Variants in FBXL7 observed in about 807,000 individuals in gnomAD.
The protein encoded by FBXL7 is F-box/LRR-repeat protein 7.
In FBXL7, 12 loss-of-function variants were observed where a neutral mutation model predicts 38.3. That is an observed-to-expected ratio of 0.31 (90% confidence interval 0.20 to 0.51). The LOEUF (loss-of-function observed/expected upper bound fraction) is 0.51. FBXL7 is among the 20% of genes least tolerant of loss of function. FBXL7 has a pLI of 0.98. For synonymous variants in FBXL7, 297 were observed against 300.9 expected, an observed-to-expected ratio of 0.99 and a Z score of 0.13; for missense variants, 567 against 676.4, an observed-to-expected ratio of 0.84 and a Z score of 1.79.
At chr5:15,823,741 C>G (rs1309245542) in intron 2 of FBXL7, among the ~76,000 whole-genome samples, 1 of 152,072 alleles carries the variant, frequency 6.6e-6, no homozygotes, top group African/African-American at 2.4e-5. Context: ...TCACGTGAGA[C>G]CATCTCAAAT....
At chr5:15,750,907 G>A (rs370994210) in intron 2 of FBXL7, among the ~76,000 whole-genome samples, 4 of 152,308 alleles carry the variant, frequency 2.6e-5, no homozygotes, top group African/African-American at 9.6e-5. Context: ...AAGTGGGACT[G>A]ACACTTGGTC....
chr5:15,659,318 C>T (rs1403858029), intron 2 of FBXL7, among the ~76,000 whole-genome samples: 1 of 151,582 alleles, frequency 6.6e-6, no homozygotes, highest in South Asian at 2.1e-4. Context: ...CATAACCTCC[C>T]AGATAATTAG....
chr5:15,836,122 G>T (rs1738585045), intron 2 of FBXL7, among the ~76,000 whole-genome samples: 1 of 152,176 alleles, frequency 6.6e-6, no homozygotes, highest in Non-Finnish European at 1.5e-5. Context: ...ACAAAATTCA[G>T]ATGGTCTCTG....
At chr5:15,735,048 C>T (rs1400010613) in intron 2 of FBXL7, among the ~76,000 whole-genome samples, 1 of 152,182 alleles carries the variant, frequency 6.6e-6, no homozygotes, top group Non-Finnish European at 1.5e-5. Context: ...TCTCCTGCCT[C>T]AGCCTCACAA....
intron 2 of FBXL7, among the ~76,000 whole-genome samples, chr5:15,693,974 C>T (rs1743257444): frequency 6.6e-6 from 1 of 151,890 alleles, no homozygotes; most frequent in Admixed American, 6.5e-5. Context: ...ATACTGAAAG[C>T]CCTCTGTCGT....
intron 1 of FBXL7, among the ~76,000 whole-genome samples, chr5:15,593,047 G>T (rs1177429513): frequency 2.6e-5 from 4 of 152,182 alleles, no homozygotes; most frequent in Non-Finnish European, 4.4e-5. Flanking sequence ...TCCTGATAGA[G>T]TACCAGTCCT....
intron 2 of FBXL7, among the ~76,000 whole-genome samples, chr5:15,862,835 T>G (rs1374896525): frequency 1.3e-5 from 2 of 152,200 alleles, no homozygotes; most frequent in African/African-American, 4.8e-5. Context: ...AGAGTCCAGC[T>G]GGGGTGGAGC....
At chr5:15,649,355 C>T (rs2126567621) in intron 2 of FBXL7, among the ~76,000 whole-genome samples, 1 of 152,206 alleles carries the variant, frequency 6.6e-6, no homozygotes. Context: ...TCTAATATGC[C>T]TTCCTTATTG....
Position 15,860,202 on chromosome 5 carries a change from T to C in FBXL7, c.128-67688T>C, listed in dbSNP as rs553878515. Among the ~76,000 whole-genome samples, 60 of 152,354 alleles carry C rather than the reference T, an allele frequency of 3.9e-4. 1 individual carries two copies. Among genetic ancestry groups the C allele is most frequent in the African/African-American group, 1.4e-3 (58 of 41,592 alleles). ...GAATTCCAGTTTTCAAACAATTTATTGGTAACAAAATTTTATTCCTTGTAC... is the reference window on the plus strand; with the variant it reads ...GAATTCCAGTTTTCAAACAATTTATCGGTAACAAAATTTTATTCCTTGTAC... On this transcript the variant is annotated intron_variant, in intron 2 of 3. Coordinates refer to ENST00000504595, the MANE Select transcript of FBXL7 (RefSeq NM_012304.5).
chr5:15,821,237 T>C lies in FBXL7; in HGVS notation c.128-106653T>C, dbSNP rs935175448. Reference sequence around the variant, plus strand: ...TTCATAAAATGTATAGAAATATCTTTTCATAAAATAATTTTTTTAGAAATA... The same window carrying C: ...TTCATAAAATGTATAGAAATATCTTCTCATAAAATAATTTTTTTAGAAATA... On this transcript the variant is annotated intron_variant, in intron 2 of 3. Coordinates refer to ENST00000504595, the MANE Select transcript of FBXL7 (RefSeq NM_012304.5). 5.3e-4 allele frequency among the ~76,000 whole-genome samples: 80 copies of C among 152,242 alleles called. 1 individual carries two copies. Among genetic ancestry groups the C allele is most frequent in the Non-Finnish European group, 5.7e-4 (39 of 68,036 alleles).
intron 1 of FBXL7, among the ~76,000 whole-genome samples, chr5:15,508,620 C>T (rs1736710982): frequency 1.3e-5 from 2 of 151,972 alleles, no homozygotes; most frequent in African/African-American, 4.8e-5. Context: ...AACCACGTTC[C>T]CTAGGAAACA....
At chr5:15,912,654 T>C (rs538445611) in intron 2 of FBXL7, among the ~76,000 whole-genome samples, 365 of 152,158 alleles carry the variant, frequency 2.4e-3, no homozygotes, top group Non-Finnish European at 4.6e-3. Context: ...AAATGGAGCT[T>C]TCTATTAAAA....
chr5:15,894,565 G>T (rs1330258805), intron 2 of FBXL7, among the ~76,000 whole-genome samples: 1 of 152,172 alleles, frequency 6.6e-6, no homozygotes, highest in Non-Finnish European at 1.5e-5. Context: ...CTTTACATAT[G>T]AAATTGTATT....
intron 1 of FBXL7, among the ~76,000 whole-genome samples, chr5:15,510,075 A>G (rs1736753989): frequency 6.6e-6 from 1 of 152,252 alleles, no homozygotes; most frequent in Non-Finnish European, 1.5e-5. Context: ...GTTGTGAATT[A>G]CATTTACTCA....
intron 2 of FBXL7, among the ~76,000 whole-genome samples, chr5:15,698,844 A>G (rs1219312161): frequency 6.6e-6 from 1 of 152,230 alleles, no homozygotes; most frequent in East Asian, 1.9e-4. Context: ...AGGAAACCCT[A>G]TTCTTTTAGA....
intron 1 of FBXL7, among the ~76,000 whole-genome samples, chr5:15,534,915 G>A (rs1737535593): frequency 6.6e-6 from 1 of 152,192 alleles, no homozygotes; most frequent in South Asian, 2.1e-4. Flanking sequence ...ATCTTGAATT[G>A]TAATCCCCCA....
chr5:15,767,266 A>T (rs1736617221), intron 2 of FBXL7, among the ~76,000 whole-genome samples: 1 of 152,246 alleles, frequency 6.6e-6, no homozygotes, highest in African/African-American at 2.4e-5. Flanking sequence ...TGATAAAAAA[A>T]AAAAGTCTAT....
At chr5:15,671,445 T>C (rs1391948408) in intron 2 of FBXL7, among the ~76,000 whole-genome samples, 1 of 136,956 alleles carries the variant, frequency 7.3e-6, no homozygotes, top group Admixed American at 7.2e-5. Flanking sequence ...AGTTAAACAA[T>C]TGGTGTTTTT....
chr5:15,749,583 C>T (rs954111236), intron 2 of FBXL7, among the ~76,000 whole-genome samples: 4 of 150,848 alleles, frequency 2.7e-5, no homozygotes, highest in Admixed American at 6.6e-5. Context: ...GCCGAGATTG[C>T]GCCACTGCAC....
Sources: allele counts gnomAD v4.1 joint callset (sites outside exome capture counted in the v4.1 genomes callset), GRCh38; gene constraint gnomAD v4.1.1; transcripts MANE v1.5; gene names NCBI Gene and HGNC (gene_info 2026-07-23, HGNC 2026-07-21).